The following DOCK1 variants were observed in gnomAD, a reference collection of about 807,000 sequenced individuals.
The protein encoded by DOCK1 is dedicator of cytokinesis protein 1.
In DOCK1, 138 loss-of-function variants were observed where a neutral mutation model predicts 262.7. The observed-to-expected ratio is 0.53, with a 90% CI of 0.46 to 0.61. The LOEUF (loss-of-function observed/expected upper bound fraction) is 0.61, where lower values mean the gene tolerates loss of function less well. Ranked by LOEUF, DOCK1 falls within the 20% of genes least tolerant of loss-of-function variation. The pLI is 0.00. For missense variants in DOCK1, 1,908 were observed against 2,370.7 expected, an observed-to-expected ratio of 0.80 and a Z score of 4.05; for synonymous variants, 866 against 867.4, an observed-to-expected ratio of 1.00 and a Z score of 0.03.
chr10:127,236,537 ACC>A (rs1193051268), intron 27 of DOCK1, among the ~76,000 whole-genome samples: 12 of 106,762 alleles, frequency 1.1e-4, no homozygotes, highest in Non-Finnish European at 1.9e-4. Flanking sequence ...AAATCAGTTA[ACC>A]CTATGTGTGC....
intron 23 of DOCK1, among the ~76,000 whole-genome samples, chr10:127,099,763 G>A (rs866619322): frequency 9.9e-5 from 15 of 152,162 alleles, no homozygotes; most frequent in East Asian, 1.9e-4. Flanking sequence ...TGGGGATCAC[G>A]TTTCAGCATG....
intron 27 of DOCK1, among the ~76,000 whole-genome samples, chr10:127,188,540 T>C (rs2056480066): frequency 6.6e-6 from 1 of 152,214 alleles, no homozygotes; most frequent in Non-Finnish European, 1.5e-5. Flanking sequence ...TGAATAACTC[T>C]GGAATTTCTG....
At chr10:127,217,194 T>G (rs2058251347) in intron 27 of DOCK1, among the ~76,000 whole-genome samples, 1 of 152,222 alleles carries the variant, frequency 6.6e-6, no homozygotes. Context: ...AACACCCTCT[T>G]ATTTCACTTT....
intron 26 of DOCK1, among the ~76,000 whole-genome samples, chr10:127,126,335 T>C (rs982699529): frequency 3.3e-5 from 5 of 152,086 alleles, no homozygotes; most frequent in Non-Finnish European, 7.4e-5. Context: ...GACTTCGTGA[T>C]CCACCTGCCT....
intron 23 of DOCK1, among the ~76,000 whole-genome samples, chr10:127,079,239 T>G (rs1243653064): frequency 1.3e-5 from 2 of 152,226 alleles, no homozygotes; most frequent in Admixed American, 6.5e-5. Context: ...GTCTGGAATC[T>G]GAACCTCTTG....
intron 1 of DOCK1, among the ~76,000 whole-genome samples, chr10:126,938,616 A>G (rs2034717141): frequency 1.3e-5 from 2 of 152,130 alleles, no homozygotes; most frequent in Admixed American, 1.3e-4. Flanking sequence ...TAGTTTATAA[A>G]TAACAGCAAT....
intron 21 of DOCK1, among the ~76,000 whole-genome samples, chr10:127,048,043 C>T (rs2044460438): frequency 6.6e-6 from 1 of 152,120 alleles, no homozygotes; most frequent in Non-Finnish European, 1.5e-5. Flanking sequence ...GGTAGAATTG[C>T]CGGGCTAAAG....
intron 21 of DOCK1, 72 bp downstream of exon 21, chr10:127,043,236 G>T: frequency 2.4e-6 from 3 of 1,237,368 alleles, no homozygotes; most frequent in South Asian, 2.7e-5. Flanking sequence ...TCTTTTTCAT[G>T]TACTTTTGTC....
intron 27 of DOCK1, among the ~76,000 whole-genome samples, chr10:127,143,706 G>A (rs528039266): frequency 6.6e-6 from 1 of 152,164 alleles, no homozygotes; most frequent in Non-Finnish European, 1.5e-5. Context: ...ACTAAAAGTT[G>A]GGATCTGGAT....
At chr10:127,202,384 A>G (rs1284375486) in intron 27 of DOCK1, among the ~76,000 whole-genome samples, 1 of 150,970 alleles carries the variant, frequency 6.6e-6, no homozygotes, top group Non-Finnish European at 1.5e-5. Flanking sequence ...TTGAGTTTCC[A>G]CCCACCAGCG....
At chr10:127,074,714 A>G (rs2046413613) in intron 23 of DOCK1, among the ~76,000 whole-genome samples, 1 of 152,220 alleles carries the variant, frequency 6.6e-6, no homozygotes, top group African/African-American at 2.4e-5. Context: ...TCTTCTATCT[A>G]GTGAAATGAT....
At position 127,012,155 on chromosome 10, in the gene DOCK1, T is replaced by C; in HGVS notation, c.1059-77T>C. The C allele has an allele frequency of 5.2e-6, 4 of 762,856 alleles. 1 individual carries two copies. In the South Asian group the frequency reaches 6.0e-5, roughly 12 times the overall value. 47.3% of individuals were successfully genotyped at this position (762,856 alleles called of 1,614,324 possible). A position where few individuals can be genotyped will look rare whatever the true frequency, so the allele number is the denominator to read the frequency against. ...CGCACTCGGTGACGATGATCTCTTA[T>C]GTTCCCTTGTTACCGTGGCCCATGG... On this transcript the variant is annotated intron_variant, in intron 11 of 51. Coordinates refer to ENST00000623213, the MANE Select transcript of DOCK1 (RefSeq NM_001290223.2). The surrounding 1 kb of genome is among the most constrained non-coding windows in gnomAD (Gnocchi z 4.0).
In DOCK1 at chr10:127,075,156, C is replaced by T. The variant is rs555262423; in HGVS notation, c.2445+13380C>T. Among the ~76,000 whole-genome samples, 5 of 97,386 alleles carry T rather than the reference C, an allele frequency of 5.1e-5. No homozygotes were observed. In the East Asian group the frequency reaches 9.8e-4, roughly 19 times the overall value. The allele number at this position is 97,386 out of a possible 152,430, so 63.9% of individuals were successfully genotyped here. On this transcript the variant is annotated intron_variant, in intron 23 of 51. Coordinates refer to ENST00000623213, the MANE Select transcript of DOCK1 (RefSeq NM_001290223.2). ...TGCACTCCAGCCTGGGCAACAAGAG[C>T]GAAACTCTGTCTCAAAAAAAAAAAA...
chr10:127,267,527 T>G (rs1431451063), intron 29 of DOCK1, among the ~76,000 whole-genome samples: 1 of 152,202 alleles, frequency 6.6e-6, no homozygotes, highest in Non-Finnish European at 1.5e-5. Flanking sequence ...GTGGCAGTGA[T>G]GAAGAGCTCT....
intron 27 of DOCK1, among the ~76,000 whole-genome samples, chr10:127,210,924 A>G (rs1380460473): frequency 6.6e-6 from 1 of 152,248 alleles, no homozygotes; most frequent in Non-Finnish European, 1.5e-5. Context: ...TACAGCCAGC[A>G]GCTCTTGGTA....
chr10:127,022,550 G>A (rs1346187764), intron 13 of DOCK1, among the ~76,000 whole-genome samples: 2 of 151,762 alleles, frequency 1.3e-5, no homozygotes, highest in African/African-American at 2.4e-5. Context: ...GCACCACCAC[G>A]CCCAGTAGCT....
At chr10:127,262,077 G>GT (rs879269473) in intron 29 of DOCK1, among the ~76,000 whole-genome samples, 1,575 of 83,848 alleles carry the variant, frequency 0.019, 36 homozygotes, top group African/African-American at 0.037. Flanking sequence ...TGTGCATGTG[G>GT]GTGTGTGTGT....
At chr10:127,005,752 TTTC>T (rs2040968467) in intron 10 of DOCK1, among the ~76,000 whole-genome samples, 3 of 152,194 alleles carry the variant, frequency 2.0e-5, no homozygotes, top group South Asian at 2.1e-4. Flanking sequence ...CAAATTATTT[TTTC>T]TGTGTGTGGC....
chr10:127,314,926 A>G (rs2062209132), intron 29 of DOCK1, among the ~76,000 whole-genome samples: 1 of 152,236 alleles, frequency 6.6e-6, no homozygotes, highest in African/African-American at 2.4e-5. Flanking sequence ...TCTGCCACTC[A>G]CATGGGCAGA....
Sources: allele counts gnomAD v4.1 joint callset (sites outside exome capture counted in the v4.1 genomes callset), GRCh38; gene constraint gnomAD v4.1.1; non-coding constraint Gnocchi (gnomAD v3.1); transcripts MANE v1.5; gene names NCBI Gene and HGNC (gene_info 2026-07-23, HGNC 2026-07-21).